The following NDUFA10 variants were observed in gnomAD, a reference collection of about 807,000 sequenced individuals.
NDUFA10 encodes NADH:ubiquinone oxidoreductase subunit A10.
NDUFA10 carries 40 observed loss-of-function variants against 47.8 expected under a neutral mutation model. The observed-to-expected ratio is 0.84, with a 90% CI of 0.65 to 1.09. The LOEUF (loss-of-function observed/expected upper bound fraction) is 1.09. Among genes scored for constraint, NDUFA10 ranks in the 50% least tolerant of loss-of-function variants. The pLI, the probability that NDUFA10 is intolerant of heterozygous loss-of-function variation, is 0.00. For synonymous variants in NDUFA10, 183 were observed against 172.2 expected, an observed-to-expected ratio of 1.06 and a Z score of -0.49; for missense variants, 413 against 451.1, an observed-to-expected ratio of 0.92 and a Z score of 0.76.
At chr2:239,940,113 G>A (rs1376859539) in intron 4 of NDUFA10, among the ~76,000 whole-genome samples, 2 of 152,240 alleles carry the variant, frequency 1.3e-5, no homozygotes, top group Non-Finnish European at 2.9e-5. Context: ...TTCTGTAAAG[G>A]GTTGGAGGGT....
At chr2:239,996,699 C>T (rs1696495126) in intron 8 of NDUFA10, among the ~76,000 whole-genome samples, 1 of 152,244 alleles carries the variant, frequency 6.6e-6, no homozygotes, top group African/African-American at 2.4e-5. Context: ...ACTCCCCACA[C>T]ACTTTAAATG....
At chr2:239,911,134 C>G (rs1574771929) in intron 4 of NDUFA10, among the ~76,000 whole-genome samples, 2 of 151,630 alleles carry the variant, frequency 1.3e-5, no homozygotes, top group South Asian at 4.2e-4. Context: ...CTCAAGTCCC[C>G]TTGGAATGGG....
chr2:239,988,760 T>C (rs1696109231), intron 9 of NDUFA10, among the ~76,000 whole-genome samples: 1 of 152,246 alleles, frequency 6.6e-6, no homozygotes, highest in South Asian at 2.1e-4. Context: ...GCTACAGCGT[T>C]GATGCCAGGG....
chr2:239,904,918 T>A (rs1263568106), intron 4 of NDUFA10, among the ~76,000 whole-genome samples: 1 of 152,208 alleles, frequency 6.6e-6, no homozygotes, highest in Non-Finnish European at 1.5e-5. Context: ...ATCCCGCCTC[T>A]GCATTCACAC....
chr2:239,905,963 C>T (rs1309158283), intron 4 of NDUFA10, among the ~76,000 whole-genome samples: 10 of 151,922 alleles, frequency 6.6e-5, no homozygotes, highest in Admixed American at 2.6e-4. Context: ...AAAAAGAGAT[C>T]GCAGCCCCCA....
At chr2:239,988,957 CACA>C (rs989636604) in intron 9 of NDUFA10, among the ~76,000 whole-genome samples, 20 of 151,560 alleles carry the variant, frequency 1.3e-4, no homozygotes, top group African/African-American at 4.9e-4. Context: ...AGCACACACA[CACA>C]AGTGTACAAG....
intron 4 of NDUFA10, among the ~76,000 whole-genome samples, chr2:239,935,154 C>A (rs373921412): frequency 6.6e-6 from 1 of 152,158 alleles, no homozygotes; most frequent in Non-Finnish European, 1.5e-5. Flanking sequence ...CAAAATTGAA[C>A]GGGGTGCCTC....
In NDUFA10 at chr2:240,016,017, C is replaced by T. The variant is rs1276409617; in HGVS notation, c.548-1157G>A. 6.6e-6 allele frequency among the ~76,000 whole-genome samples: 1 copy of T among 152,022 alleles called. No homozygotes were observed. The highest frequency in any genetic ancestry group is 1.5e-5 in the Non-Finnish European group (1 of 68,024). Reference sequence around the variant, plus strand: ...ACCAAAAATACAAACATTAGCCAGTCTCCTAACCTAGTCTCAAAATAAATA... The same window carrying T: ...ACCAAAAATACAAACATTAGCCAGTTTCCTAACCTAGTCTCAAAATAAATA... On this transcript the variant is annotated intron_variant, in intron 4 of 9. Coordinates refer to ENST00000252711, the MANE Select transcript of NDUFA10 (RefSeq NM_004544.4). This position sits in a 1 kb window ranked among gnomAD's most constrained non-coding sequence, Gnocchi z 4.4.
chr2:239,962,476 C>T (rs1694896801), intron 9 of NDUFA10, among the ~76,000 whole-genome samples: 1 of 152,162 alleles, frequency 6.6e-6, no homozygotes, highest in Non-Finnish European at 1.5e-5. Context: ...GACCAGCCAT[C>T]TCACACACAG....
chr2:239,992,434 A>G (rs964407389), intron 8 of NDUFA10, among the ~76,000 whole-genome samples: 6 of 152,230 alleles, frequency 3.9e-5, no homozygotes, highest in African/African-American at 7.2e-5. Context: ...ACTTTGTCCT[A>G]TAACATTTCC....
intron 4 of NDUFA10, among the ~76,000 whole-genome samples, chr2:239,898,285 C>G (rs77582354): frequency 0.16 from 24,362 of 152,276 alleles, 2,014 homozygotes; most frequent in East Asian, 0.22. Flanking sequence ...AGTGGCATTT[C>G]CTACAGTACC....
At chr2:239,912,633 C>A (rs144956605) in intron 4 of NDUFA10, among the ~76,000 whole-genome samples, 28 of 152,282 alleles carry the variant, frequency 1.8e-4, no homozygotes, top group African/African-American at 6.7e-4. Context: ...GGCTGGACAT[C>A]TGGCAGTAGG....
At chr2:239,988,448 CCT>C (rs1379539149) in intron 9 of NDUFA10, among the ~76,000 whole-genome samples, 44 of 152,262 alleles carry the variant, frequency 2.9e-4, no homozygotes, top group Non-Finnish European at 5.9e-5. Flanking sequence ...CTTTAACACA[CCT>C]CCTACAGGAA....
intron 9 of NDUFA10, among the ~76,000 whole-genome samples, chr2:239,975,289 G>A (rs945197770): frequency 1.3e-5 from 2 of 152,244 alleles, no homozygotes; most frequent in African/African-American, 4.8e-5. Context: ...TATGCTTCCT[G>A]TACAGCCTGC....
At chr2:239,938,219 T>C (rs1161122000) in intron 4 of NDUFA10, among the ~76,000 whole-genome samples, 2 of 152,118 alleles carry the variant, frequency 1.3e-5, no homozygotes, top group Non-Finnish European at 2.9e-5. Flanking sequence ...TAACAGCATG[T>C]AGCTCACAGC....
intron 8 of NDUFA10, among the ~76,000 whole-genome samples, chr2:240,001,309 G>A (rs1302906484): frequency 6.6e-6 from 1 of 152,122 alleles, no homozygotes; most frequent in Non-Finnish European, 1.5e-5. Context: ...AATATTAATG[G>A]AGAAATGTAA....
intron 4 of NDUFA10, among the ~76,000 whole-genome samples, chr2:239,911,131 C>A (rs1693746182): frequency 6.6e-6 from 1 of 151,668 alleles, no homozygotes; most frequent in African/African-American, 2.4e-5. Context: ...AAACTCAAGT[C>A]CCCTTGGAAT....
chr2:239,963,094 G>A (rs6748327), intron 9 of NDUFA10, among the ~76,000 whole-genome samples: 44,858 of 152,092 alleles, frequency 0.29, 7,195 homozygotes, highest in East Asian at 0.38. Context: ...TCTGGCCCAG[G>A]ATACAGTGTG....
chr2:239,948,469 C>T (rs182440655), intron 4 of NDUFA10, among the ~76,000 whole-genome samples: 19 of 152,374 alleles, frequency 1.2e-4, no homozygotes, highest in Admixed American at 1.1e-3. Context: ...ACTCACTTGA[C>T]GTTGTTCAGG....
Sources: allele counts gnomAD v4.1 joint callset (sites outside exome capture counted in the v4.1 genomes callset), GRCh38; gene constraint gnomAD v4.1.1; non-coding constraint Gnocchi (gnomAD v3.1); transcripts MANE v1.5; gene names NCBI Gene and HGNC (gene_info 2026-07-23, HGNC 2026-07-21).